KAT2A: variants seen among roughly 807,000 people sequenced by gnomAD.
The protein encoded by KAT2A is histone acetyltransferase KAT2A.
KAT2A carries 42 observed loss-of-function variants against 95.2 expected under a neutral mutation model. The ratio of observed to expected loss-of-function variants is 0.44; its 90% CI spans 0.34 to 0.57. The LOEUF (loss-of-function observed/expected upper bound fraction) is 0.57, where lower values mean the gene tolerates loss of function less well. Among genes scored for constraint, KAT2A ranks in the 20% least tolerant of loss-of-function variants. KAT2A has a pLI of 0.01. For missense variants in KAT2A, 784 were observed against 1,126.3 expected, an observed-to-expected ratio of 0.70 and a Z score of 4.35; for synonymous variants, 449 against 448.2, an observed-to-expected ratio of 1.00 and a Z score of -0.02.
rs773533860 is a variant in KAT2A at position 42,113,294 on chromosome 17, G to C, written c.*355C>G. On this transcript the variant is annotated 3_prime_UTR_variant, in exon 18 of 18. Transcript: ENST00000225916. ...CACTCAAGCTAAAATGAGCAGTTCT[G>C]GTCCTCAGGGAAACAGCCACCTGGG... 1 of 220,970 alleles carries C rather than the reference G, an allele frequency of 4.5e-6. No individual in the cohort carries two copies. Among genetic ancestry groups the C allele is most frequent in the Non-Finnish European group, 8.9e-6 (1 of 111,858 alleles). The allele number at this position is 220,970 out of a possible 1,614,324, so 13.7% of individuals were successfully genotyped here.
intron 6 of KAT2A, 49 bp from the exon 7 acceptor site, chr17:42,118,452 G>T (rs375119214): frequency 1.5e-6 from 2 of 1,329,760 alleles, no homozygotes; most frequent in African/African-American, 1.4e-5. Flanking sequence ...CCAGGGTGCA[G>T]CCTGGGCCAG....
chr17:42,118,447 G>A (rs781813243), intron 6 of KAT2A, 44 bp from the exon 7 acceptor site: 2 of 1,382,108 alleles, frequency 1.4e-6, no homozygotes, highest in Non-Finnish European at 2.1e-6. Context: ...GTTCTCCAGG[G>A]TGCAGCCTGG....
At chr17:42,120,433 C>T (rs1262128095) in intron 2 of KAT2A, 63 bp from the exon 3 acceptor site, 2 of 1,546,534 alleles carry the variant, frequency 1.3e-6, no homozygotes, top group Non-Finnish European at 1.8e-6. Flanking sequence ...CTTCTTGACC[C>T]TCTTCACAGC....
rs1555667030 is a variant in KAT2A at position 42,120,302 on chromosome 17, C to T, written c.532G>A (p.Asp178Asn). The T allele has an allele frequency of 6.2e-7, 1 of 1,614,152 alleles. No individual in the cohort carries two copies. Among genetic ancestry groups the T allele is most frequent in the Non-Finnish European group, 8.5e-7 (1 of 1,179,992 alleles). ...EINRLLGMVV[D>N]VENLFMSVHK... ...ACAGACATGAAGAGATTCTCCACATCCACCACCATCCCCAGCAGTCGGTTT... is the reference window on the plus strand; with the variant it reads ...ACAGACATGAAGAGATTCTCCACATTCACCACCATCCCCAGCAGTCGGTTT... Residue 178 changes from aspartate to asparagine, a missense_variant, in exon 3 of 18, where the codon GAT becomes AAT. By Grantham distance (23) the Asp-to-Asn change is conservative. Around this residue, in one of 6 missense-constraint regions of KAT2A, gnomAD observed 208 missense variants for 339.7 expected, o/e 0.61. Transcript: ENST00000225916.
Position 42,119,965 on chromosome 17 carries a change from G to A in KAT2A, c.699+65C>T, listed in dbSNP as rs1180798969. 39 of 1,380,780 alleles carry A rather than the reference G, an allele frequency of 2.8e-5. No homozygotes were observed. The highest frequency in any genetic ancestry group is 4.0e-5 in the Non-Finnish European group (39 of 970,180). 85.5% of individuals were successfully genotyped at this position (1,380,780 alleles called of 1,614,324 possible). On this transcript the variant is annotated intron_variant, in intron 4 of 17. Transcript: ENST00000225916. This position sits in a 1 kb window ranked among gnomAD's most constrained non-coding sequence, Gnocchi z 5.3. ...CAGCTTGAGGAGAATGGAGAACACA[G>A]GCTCCCCACTCCTCCAAGCTGTCCC... is the stretch of plus-strand genomic sequence containing the variant.
chr17:42,117,664 G>C lies in KAT2A; in HGVS notation c.1428+14C>G. On this transcript the variant is annotated intron_variant, in intron 9 of 17. Transcript: ENST00000225916. The surrounding 1 kb of genome is among the most constrained non-coding windows in gnomAD (Gnocchi z 8.9). Reference sequence around the variant, plus strand: ...TGGGGGTCCCCCAACTGGTCAGCAGGTCGGGCTGCCCACCTCAGGCCCCAG... The same window carrying C: ...TGGGGGTCCCCCAACTGGTCAGCAGCTCGGGCTGCCCACCTCAGGCCCCAG... The C allele has an allele frequency of 6.2e-7, 1 of 1,606,790 alleles. No homozygotes were observed. Among genetic ancestry groups the C allele is most frequent in the Non-Finnish European group, 8.5e-7 (1 of 1,175,366 alleles).
At position 42,119,187 on chromosome 17, in the gene KAT2A, G is replaced by A. The variant is rs910519409; in HGVS notation, c.1073+58C>T. 1.3e-6 allele frequency: 2 copies of A among 1,538,308 alleles called. No individual in the cohort carries two copies. Among genetic ancestry groups the A allele is most frequent in the South Asian group, 1.3e-5 (1 of 79,766 alleles). ...CAGGAAGCCTTCCTGGAAAAAAGGGGACAACAGGGAGGATGTGAACTTGGG... is the reference window on the plus strand; with the variant it reads ...CAGGAAGCCTTCCTGGAAAAAAGGGAACAACAGGGAGGATGTGAACTTGGG... On this transcript the variant is annotated intron_variant, in intron 6 of 17. Transcript: ENST00000225916. The surrounding 1 kb of genome is among the most constrained non-coding windows in gnomAD (Gnocchi z 5.3).
rs1555667291 is a variant in KAT2A, at chr17:42,121,161, A to T, written c.144T>A (p.Pro48=). The T allele has an allele frequency of 1.4e-6, 2 of 1,447,464 alleles. No individual in the cohort carries two copies. The highest frequency in any genetic ancestry group is 5.0e-5 in the East Asian group (2 of 39,786). The allele number at this position is 1,447,464 out of a possible 1,614,324, so 89.7% of individuals were successfully genotyped here. Residue 48 remains proline, a synonymous_variant, in exon 1 of 18, where the codon CCT becomes CCA. Coordinates refer to ENST00000225916, the MANE Select transcript of KAT2A (RefSeq NM_021078.3). Reference sequence around the variant, plus strand: ...TGCCGGCTGGGGCTGCAGCTGGGGCAGGGGCTGGTGCCGGGGTGGGAGTCG... The same window carrying T: ...TGCCGGCTGGGGCTGCAGCTGGGGCTGGGGCTGGTGCCGGGGTGGGAGTCG... The part of the protein sequence containing the change: ...PIPTPTPAPA[P]APAAAPAGST...
rs377719705 is a variant in KAT2A at position 42,117,726 on chromosome 17, A to G, written c.1380T>C (p.Asn460=). 7 of 1,613,674 alleles carry G rather than the reference A, an allele frequency of 4.3e-6. No homozygotes were observed. The African/African-American group carries it at 6.7e-5, about 15-fold the overall frequency. The part of the protein sequence containing the change: ...VMGDIPMELV[N]EVMLTITDPA... ...GGTCAGTGATGGTCAGCATGACCTC[A>G]TTGACCAGCTCCATGGGGATGTCAC... The change falls in exon 9 of 18, where the codon AAT becomes AAC. Residue 460 remains asparagine, a synonymous_variant. Coordinates refer to ENST00000225916, the MANE Select transcript of KAT2A (RefSeq NM_021078.3). This position sits in a 1 kb window ranked among gnomAD's most constrained non-coding sequence, Gnocchi z 8.9.
In KAT2A at chr17:42,119,996, C is replaced by G; in HGVS notation, c.699+34G>C. 6.4e-7 allele frequency: 1 copy of G among 1,563,300 alleles called. No individual in the cohort carries two copies. The highest frequency in any genetic ancestry group is 1.4e-5 in the African/African-American group (1 of 73,964). ...CCACTCCTCCAAGCTGTCCCCAATTCTCCTATCCGCTATCTCCAATTCCCC... is the reference window on the plus strand; with the variant it reads ...CCACTCCTCCAAGCTGTCCCCAATTGTCCTATCCGCTATCTCCAATTCCCC... On this transcript the variant is annotated intron_variant, in intron 4 of 17. Coordinates refer to ENST00000225916, the MANE Select transcript of KAT2A (RefSeq NM_021078.3). This position sits in a 1 kb window ranked among gnomAD's most constrained non-coding sequence, Gnocchi z 5.3.
chr17:42,121,219 G>A lies in KAT2A; in HGVS notation c.86C>T (p.Thr29Ile). The A allele has an allele frequency of 8.9e-6, 12 of 1,341,870 alleles. No individual in the cohort carries two copies. The highest frequency in any genetic ancestry group is 1.2e-5 in the Non-Finnish European group (12 of 1,015,338). 83.1% of individuals were successfully genotyped at this position (1,341,870 alleles called of 1,614,324 possible). A position where few individuals can be genotyped will look rare whatever the true frequency, so the allele number is the denominator to read the frequency against. ...LQSPAPAPTP[T>I]PAPSPASAPI... The stretch of plus-strand genomic sequence containing the variant: ...GGCTGAAGCCGGGCTGGGTGCAGGA[G>A]TCGGAGTTGGGGCAGGGGCTGGGGA... Residue 29 changes from threonine (T) to isoleucine (I), a missense_variant, in exon 1 of 18, where the codon ACT becomes ATT. Thr to Ile is a moderately conservative substitution (Grantham distance 89, BLOSUM62 -1). Transcript: ENST00000225916.
rs1555665581 is a variant in KAT2A, at chr17:42,114,590, C to G, written c.2034G>C (p.Leu678=). 6.2e-7 allele frequency: 1 copy of G among 1,613,810 alleles called. No homozygotes were observed. The change falls in exon 14 of 18, where the codon CTG becomes CTC. Residue 678 remains leucine (L), a synonymous_variant. Transcript: ENST00000225916. This position sits in a 1 kb window ranked among gnomAD's most constrained non-coding sequence, Gnocchi z 6.0. ...IKKQKEIIKK[L]IERKQAQIRK... ...GGATCTGGGCCTGTTTGCGCTCAAT[C>G]AGCTTCTTGATGATCTGAGGGAAGG...
At chr17:42,118,049 G>A (rs1300145823) in intron 7 of KAT2A, 32 bp from the exon 8 acceptor site, 3 of 1,342,328 alleles carry the variant, frequency 2.2e-6, no homozygotes, top group South Asian at 2.8e-5. Context: ...AGGGATGGGG[G>A]GCTGAAGCTG....
At chr17:42,120,871 C>A in intron 1 of KAT2A, 42 bp from the exon 2 acceptor site, 1 of 1,583,510 alleles carries the variant, frequency 6.3e-7, no homozygotes, top group Non-Finnish European at 8.6e-7. Flanking sequence ...ACCTCTGGGG[C>A]AAGAGCCGCT....
At position 42,119,926 on chromosome 17, in the gene KAT2A, C is replaced by T; in HGVS notation, c.699+104G>A. On this transcript the variant is annotated intron_variant, in intron 4 of 17. Coordinates refer to ENST00000225916, the MANE Select transcript of KAT2A (RefSeq NM_021078.3). This position sits in a 1 kb window ranked among gnomAD's most constrained non-coding sequence, Gnocchi z 5.3. ...ACAAAACACCCTTCCTTCTCTGAAC[C>T]TCCCCAGTGTTCTCAGCTTGAGGAG... 1 of 1,171,714 alleles carries T rather than the reference C, an allele frequency of 8.5e-7. No homozygotes were observed. The highest frequency in any genetic ancestry group is 1.3e-6 in the Non-Finnish European group (1 of 790,182). 72.6% of individuals were successfully genotyped at this position (1,171,714 alleles called of 1,614,324 possible).
rs566202877 is a variant in KAT2A at position 42,114,190 on chromosome 17, G to A, written c.2235+29C>T. 2.7e-5 allele frequency: 43 copies of A among 1,588,858 alleles called. 1 individual carries two copies. The highest frequency in any genetic ancestry group is 3.7e-5 in the Non-Finnish European group (43 of 1,167,004). On this transcript the variant is annotated intron_variant, in intron 16 of 17. Coordinates refer to ENST00000225916, the MANE Select transcript of KAT2A (RefSeq NM_021078.3). This position sits in a 1 kb window ranked among gnomAD's most constrained non-coding sequence, Gnocchi z 6.0. ...AGAGGCCACAGCCATTGGTGCAGGG[G>A]CCCTGGAAAGGAAACCTGGTCTCCC...
intron 12 of KAT2A, 96 bp from the exon 13 acceptor site, chr17:42,115,131 CT>C: frequency 1.6e-6 from 2 of 1,263,852 alleles, no homozygotes; most frequent in Non-Finnish European, 2.2e-6. Flanking sequence ...GCACGTGCCA[CT>C]TGCCACCTCC....
rs558956561 is a variant in KAT2A at position 42,119,911 on chromosome 17, C to T, written c.699+119G>A. ...CACCCTGAGGTTAGCACAAAACACC[C>T]TTCCTTCTCTGAACCTCCCCAGTGT... On this transcript the variant is annotated intron_variant, in intron 4 of 17. Transcript: ENST00000225916. The surrounding 1 kb of genome is among the most constrained non-coding windows in gnomAD (Gnocchi z 5.3). The T allele has an allele frequency of 3.0e-5, 33 of 1,090,230 alleles. No homozygotes were observed. In the Admixed American group the frequency reaches 6.4e-4, roughly 21 times the overall value. The allele number at this position is 1,090,230 out of a possible 1,614,324, so 67.5% of individuals were successfully genotyped here.
intron 12 of KAT2A, among the ~76,000 whole-genome samples, chr17:42,115,272 C>A: frequency 7.1e-6 from 1 of 140,600 alleles, no homozygotes; most frequent in Non-Finnish European, 1.5e-5. Flanking sequence ...ACTGGCCCCC[C>A]AGTTCCTCTA....
Sources: allele counts gnomAD v4.1 joint callset (sites outside exome capture counted in the v4.1 genomes callset), GRCh38; gene constraint gnomAD v4.1.1; regional missense constraint gnomAD v4.1.1; non-coding constraint Gnocchi (gnomAD v3.1); transcripts MANE v1.5; gene names NCBI Gene and HGNC (gene_info 2026-07-23, HGNC 2026-07-21).